The following FDX1 variants were observed in gnomAD, a reference collection of about 807,000 sequenced individuals.
FDX1 encodes adrenodoxin, mitochondrial.
A neutral mutation model predicts 14.9 loss-of-function variants in FDX1; 9 were observed. The ratio of observed to expected loss-of-function variants is 0.60; its 90% CI spans 0.36 to 1.05. The LOEUF is 1.05. Among genes scored for constraint, FDX1 ranks in the 50% least tolerant of loss-of-function variants. The pLI, the probability that FDX1 is intolerant of heterozygous loss-of-function variation, is 0.01. For synonymous variants in FDX1, 92 were observed against 99.4 expected, an observed-to-expected ratio of 0.93 and a Z score of 0.44; for missense variants, 204 against 237.2, an observed-to-expected ratio of 0.86 and a Z score of 0.92.
At chr11:110,432,403 T>A (rs942709255) in intron 1 of FDX1, among the ~76,000 whole-genome samples, 4 of 152,286 alleles carry the variant, frequency 2.6e-5, no homozygotes, top group South Asian at 2.1e-4. Flanking sequence ...TTTAAAAAAA[T>A]TTTAAATTTC....
chr11:110,461,581 T>C (rs1224445276), intron 3 of FDX1, among the ~76,000 whole-genome samples: 1 of 151,908 alleles, frequency 6.6e-6, no homozygotes, highest in Non-Finnish European at 1.5e-5. Flanking sequence ...AATTAGTCAT[T>C]CTTAAAATGA....
At chr11:110,433,574 C>T (rs1470343036) in intron 1 of FDX1, among the ~76,000 whole-genome samples, 1 of 152,162 alleles carries the variant, frequency 6.6e-6, no homozygotes, top group Non-Finnish European at 1.5e-5. Flanking sequence ...AAGTGGCCTC[C>T]CTGCCTCTAG....
rs542839236 is a variant in FDX1, at chr11:110,451,689, A to G, written c.311-5229A>G. Among the ~76,000 whole-genome samples, 4 of 152,346 alleles carry G rather than the reference A, an allele frequency of 2.6e-5. No homozygotes were observed. In the South Asian group the frequency reaches 6.2e-4, roughly 24 times the overall value. ...TAGCAAAGACATAGAATCAACCCAA[A>G]TGCCAATCAATGATAGGCTGGATAA... On this transcript the variant is annotated intron_variant, in intron 2 of 3. Coordinates refer to ENST00000260270, the MANE Select transcript of FDX1 (RefSeq NM_004109.5).
At chr11:110,455,408 A>C (rs1466615264) in intron 2 of FDX1, among the ~76,000 whole-genome samples, 1 of 152,214 alleles carries the variant, frequency 6.6e-6, no homozygotes, top group East Asian at 1.9e-4. Flanking sequence ...GAAGGTTACT[A>C]GTTGTTAACA....
intron 2 of FDX1, among the ~76,000 whole-genome samples, chr11:110,455,131 C>T (rs539079665): frequency 3.9e-5 from 6 of 152,184 alleles, no homozygotes; most frequent in South Asian, 4.1e-4. Context: ...CTCAGCCTCC[C>T]GAGTAGCTGG....
intron 2 of FDX1, among the ~76,000 whole-genome samples, chr11:110,449,261 T>A (rs546093638): frequency 6.6e-6 from 1 of 152,340 alleles, no homozygotes; most frequent in South Asian, 2.1e-4. Flanking sequence ...TATATACTTT[T>A]AAGTTCATGA....
At chr11:110,444,671 T>TATATATATATAC (rs1946429274) in intron 2 of FDX1, among the ~76,000 whole-genome samples, 3 of 73,684 alleles carry the variant, frequency 4.1e-5, no homozygotes, top group African/African-American at 2.0e-4. Context: ...TATACGTATA[T>TATATATATATAC]ATATATATAT....
intron 2 of FDX1, among the ~76,000 whole-genome samples, chr11:110,446,674 A>G (rs777043985): frequency 1.3e-5 from 2 of 152,072 alleles, no homozygotes; most frequent in Non-Finnish European, 2.9e-5. Context: ...CTTTCTTCCC[A>G]ACCTGACATC....
At position 110,460,207 on chromosome 11, in the gene FDX1, A is replaced by G. The variant is rs1215349177; in HGVS notation, c.441-2147A>G. ...CAATTCTACAAATAAAGAACTCTTG[A>G]TAGAGGGGATTTTTTTTCTATTAGT... On this transcript the variant is annotated intron_variant, in intron 3 of 3. Coordinates refer to ENST00000260270, the MANE Select transcript of FDX1 (RefSeq NM_004109.5). Among the ~76,000 whole-genome samples the G allele has an allele frequency of 2.0e-5, 3 of 146,602 alleles. No homozygotes were observed. In the East Asian group the frequency reaches 6.2e-4, roughly 30 times the overall value.
At chr11:110,436,486 G>T (rs1278559730) in intron 2 of FDX1, among the ~76,000 whole-genome samples, 1 of 152,126 alleles carries the variant, frequency 6.6e-6, no homozygotes, top group African/African-American at 2.4e-5. Context: ...TTCAAGCAAT[G>T]CATGTTTAGA....
chr11:110,429,547 T>C (rs979824670), upstream of FDX1, among the ~76,000 whole-genome samples: 7 of 152,358 alleles, frequency 4.6e-5, no homozygotes, highest in Non-Finnish European at 1.0e-4. Context: ...TACAATTTTA[T>C]AGTCATAATT....
chr11:110,449,819 G>C (rs902050558), intron 2 of FDX1, among the ~76,000 whole-genome samples: 2 of 152,062 alleles, frequency 1.3e-5, no homozygotes, highest in Non-Finnish European at 2.9e-5. Context: ...GTAAAGATGG[G>C]GTTTCACCAT....
At chr11:110,450,502 T>C (rs1946479565) in intron 2 of FDX1, among the ~76,000 whole-genome samples, 1 of 152,232 alleles carries the variant, frequency 6.6e-6, no homozygotes, top group East Asian at 1.9e-4. Context: ...TCACTTGCCC[T>C]CTGCTCACCT....
chr11:110,435,409 G>A (rs1001836676), intron 1 of FDX1, among the ~76,000 whole-genome samples: 1 of 152,216 alleles, frequency 6.6e-6, no homozygotes, highest in African/African-American at 2.4e-5. Context: ...TTATAACTGT[G>A]ACTATTAGGG....
chr11:110,460,068 A>G (rs1353317697), intron 3 of FDX1, among the ~76,000 whole-genome samples: 1 of 152,212 alleles, frequency 6.6e-6, no homozygotes. Context: ...AGAGTAACCA[A>G]CAGACTCTCT....
At chr11:110,437,482 G>C (rs917116095) in intron 2 of FDX1, among the ~76,000 whole-genome samples, 4 of 152,152 alleles carry the variant, frequency 2.6e-5, no homozygotes, top group African/African-American at 9.7e-5. Flanking sequence ...GCAAGTGAGA[G>C]GGCTAAGACT....
chr11:110,457,392 A>G (rs1946529159), intron 3 of FDX1, among the ~76,000 whole-genome samples: 1 of 145,276 alleles, frequency 6.9e-6, no homozygotes, highest in African/African-American at 2.6e-5. Flanking sequence ...GAACACAATT[A>G]TAATGGAAAG....
chr11:110,462,398 A>C lies in FDX1; in HGVS notation c.485A>C (p.Asn162Thr). 1 of 1,612,804 alleles carries C rather than the reference A, an allele frequency of 6.2e-7. No homozygotes were observed. Among genetic ancestry groups the C allele is most frequent in the Non-Finnish European group, 8.5e-7 (1 of 1,178,962 alleles). The change falls in exon 4 of 4, where the codon AAT becomes ACT. Residue 162 changes from asparagine to threonine, a missense_variant. Transcript: ENST00000260270. Reference sequence around the variant, plus strand: ...ATCTGTTTGACAAAATCTATGGACAATATGACTGTTCGAGTGCCTGAAACA... The same window carrying C: ...ATCTGTTTGACAAAATCTATGGACACTATGACTGTTCGAGTGCCTGAAACA... ...CQICLTKSMD[N>T]MTVRVPETVA...
At position 110,456,066 on chromosome 11, in the gene FDX1, A is replaced by G. The variant is rs1297755341; in HGVS notation, c.311-852A>G. The stretch of plus-strand genomic sequence containing the variant: ...TATTCAGTAAACCACTGTTAAATTA[A>G]TGACTTAAAAAATGGAACAGGATAA... On this transcript the variant is annotated intron_variant, in intron 2 of 3. Transcript: ENST00000260270. Among the ~76,000 whole-genome samples the G allele has an allele frequency of 5.3e-5, 8 of 152,212 alleles. No individual in the cohort carries two copies. In the East Asian group the frequency reaches 1.2e-3, roughly 22 times the overall value.
Sources: gnomAD v4.1 joint callset for allele counts (sites outside exome capture counted in the v4.1 genomes callset) on GRCh38, gnomAD v4.1.1 for gene constraint, MANE v1.5 for transcripts, NCBI Gene and HGNC (gene_info 2026-07-23, HGNC 2026-07-21) for gene names.